SYT17: variants seen among roughly 807,000 people sequenced by gnomAD.
SYT17 encodes the protein synaptotagmin 17.
SYT17 carries 22 observed loss-of-function variants against 46.7 expected under a neutral mutation model. That is an observed-to-expected ratio of 0.47 (90% CI 0.34 to 0.67). The LOEUF (loss-of-function observed/expected upper bound fraction) is 0.67. Ranked by LOEUF, SYT17 falls within the 30% of genes least tolerant of loss-of-function variation. The pLI is 0.01. For synonymous variants in SYT17, 251 were observed against 248.4 expected (o/e 1.01, Z -0.10); for missense variants, 519 against 612.8 (o/e 0.85, Z 1.62).
intron 7 of SYT17, among the ~76,000 whole-genome samples, chr16:19,241,351 G>A (rs1367901776): frequency 6.6e-6 from 1 of 152,152 alleles, no homozygotes; most frequent in East Asian, 1.9e-4. Context: ...GGGGAGGGAA[G>A]GGTGCCTTCC....
chr16:19,204,187 C>G (rs1200226302), intron 5 of SYT17, among the ~76,000 whole-genome samples: 2 of 152,024 alleles, frequency 1.3e-5, no homozygotes, highest in African/African-American at 2.4e-5. Flanking sequence ...ACCCCTGGCC[C>G]CACCCATTAG....
intron 7 of SYT17, among the ~76,000 whole-genome samples, chr16:19,239,278 AAATTAATT>A (rs918681071): frequency 1.3e-5 from 2 of 151,304 alleles, no homozygotes; most frequent in Non-Finnish European, 2.9e-5. Context: ...CCCTGTCTCA[AAATTAATT>A]AATTAATTAA....
intron 7 of SYT17, among the ~76,000 whole-genome samples, chr16:19,235,217 GT>G (rs1719656283): frequency 6.6e-6 from 1 of 151,978 alleles, no homozygotes; most frequent in Non-Finnish European, 1.5e-5. Context: ...ATAAAACTGT[GT>G]ATGTACTACT....
chr16:19,225,093 C>T (rs1966456197), intron 7 of SYT17, among the ~76,000 whole-genome samples: 1 of 152,164 alleles, frequency 6.6e-6, no homozygotes, highest in South Asian at 2.1e-4. Flanking sequence ...TGGCAAGTTA[C>T]TTAACTCCTC....
In SYT17 at chr16:19,228,293, G is replaced by A. The variant is rs879476223; in HGVS notation, c.1228+3455G>A. On this transcript the variant is annotated intron_variant, in intron 7 of 7. Coordinates refer to ENST00000355377, the MANE Select transcript of SYT17 (RefSeq NM_016524.4). ...TCAGCTGGGGCAGTGGTCAGCTGAT[G>A]CTGTCAGGGAAGTCCTGTACTCTCC... Among the ~76,000 whole-genome samples, 62 of 152,280 alleles carry A rather than the reference G, an allele frequency of 4.1e-4. 1 individual carries two copies. Among genetic ancestry groups the A allele is most frequent in the Admixed American group, 3.8e-3 (58 of 15,296 alleles).
intron 5 of SYT17, among the ~76,000 whole-genome samples, chr16:19,194,422 C>G (rs752967126): frequency 6.6e-6 from 1 of 152,148 alleles, no homozygotes; most frequent in African/African-American, 2.4e-5. Context: ...GTTGCTGGCC[C>G]CTGGGTACTT....
chr16:19,205,428 C>G (rs1016407777), intron 5 of SYT17, among the ~76,000 whole-genome samples: 1 of 144,638 alleles, frequency 6.9e-6, no homozygotes. Flanking sequence ...CTCAGAGAGG[C>G]CTTCCTTGAC....
chr16:19,207,613 C>T (rs1282109608), intron 5 of SYT17, among the ~76,000 whole-genome samples: 1 of 152,156 alleles, frequency 6.6e-6, no homozygotes, highest in African/African-American at 2.4e-5. Flanking sequence ...GGGGGAAATC[C>T]ACCTCCATGG....
In SYT17 at chr16:19,267,346, G is replaced by A. The variant is rs886686027; in HGVS notation, c.*270G>A. The A allele has an allele frequency of 9.0e-6, 3 of 332,188 alleles. No individual in the cohort carries two copies. Among genetic ancestry groups the A allele is most frequent in the African/African-American group, 2.1e-5 (1 of 47,532 alleles). 20.6% of individuals were successfully genotyped at this position (332,188 alleles called of 1,614,324 possible). ...TCACAAGCTCAGTGGGCTCTGCCGT[G>A]GGACTTATTGGCAGTGCCTGCTCTT... On this transcript the variant is annotated 3_prime_UTR_variant, in exon 8 of 8. Coordinates refer to ENST00000355377, the MANE Select transcript of SYT17 (RefSeq NM_016524.4).
intron 7 of SYT17, among the ~76,000 whole-genome samples, chr16:19,236,413 A>G (rs1026887232): frequency 8.5e-5 from 13 of 152,310 alleles, no homozygotes; most frequent in African/African-American, 2.2e-4. Flanking sequence ...TGCAATGAGT[A>G]TAGCCAACTG....
chr16:19,260,494 A>G (rs1452426731), intron 7 of SYT17, among the ~76,000 whole-genome samples: 9 of 131,300 alleles, frequency 6.9e-5, no homozygotes, highest in Non-Finnish European at 1.6e-5. Context: ...ACAGAGAGAG[A>G]CCTTGTCTCA....
At chr16:19,251,543 A>G (rs543652089) in intron 7 of SYT17, among the ~76,000 whole-genome samples, 1 of 152,208 alleles carries the variant, frequency 6.6e-6, no homozygotes, top group South Asian at 2.1e-4. Flanking sequence ...CCATCCCACC[A>G]TTTTATAGCG....
At chr16:19,172,629 G>T (rs748281894) in intron 1 of SYT17, 131 bp from the exon 2 acceptor site, 58 of 1,532,132 alleles carry the variant, frequency 3.8e-5, no homozygotes, top group East Asian at 2.3e-5. Flanking sequence ...GTGGAAATAT[G>T]CAGGGCTTTT....
At chr16:19,172,925 C>G in intron 2 of SYT17, 148 bp downstream of exon 2, 1 of 983,788 alleles carries the variant, frequency 1.0e-6, no homozygotes, top group Non-Finnish European at 1.5e-6. Context: ...TCCTTTCTAC[C>G]GAAAGGAGAT....
At chr16:19,224,502 T>C (rs902429256) in intron 6 of SYT17, among the ~76,000 whole-genome samples, 181 bp from the exon 7 acceptor site, 19 of 151,942 alleles carry the variant, frequency 1.3e-4, no homozygotes, top group Admixed American at 2.6e-4. Context: ...GAAAGATGGA[T>C]GGATGGATAA....
At chr16:19,224,384 T>C (rs966488464) in intron 6 of SYT17, among the ~76,000 whole-genome samples, 1 of 152,000 alleles carries the variant, frequency 6.6e-6, no homozygotes, top group African/African-American at 2.4e-5. Context: ...GGATGGATAA[T>C]AGATGGATGG....
chr16:19,245,727 G>A lies in SYT17; in HGVS notation c.1228+20889G>A, dbSNP rs182822558. On this transcript the variant is annotated intron_variant, in intron 7 of 7. Transcript: ENST00000355377. ...CAGAAATACCTTGCTCTGCAAACAA[G>A]CCCCATCCCCCAGGTGACAGGGCCT... is the stretch of plus-strand genomic sequence containing the variant. Among the ~76,000 whole-genome samples, 22 of 152,236 alleles carry A rather than the reference G, an allele frequency of 1.4e-4. No homozygotes were observed. The East Asian group carries it at 3.1e-3, about 21-fold the overall frequency.
chr16:19,202,772 G>T (rs1368311986), intron 5 of SYT17, among the ~76,000 whole-genome samples: 1 of 152,108 alleles, frequency 6.6e-6, no homozygotes, highest in African/African-American at 2.4e-5. Flanking sequence ...TGTCACCTAG[G>T]CTGGAGTGCA....
intron 7 of SYT17, among the ~76,000 whole-genome samples, chr16:19,236,241 C>T (rs1008200778): frequency 6.6e-6 from 1 of 152,274 alleles, no homozygotes; most frequent in Admixed American, 6.5e-5. Context: ...CGCTGAACCT[C>T]GGTTTTTTTC....
Sources: allele counts gnomAD v4.1 joint callset (sites outside exome capture counted in the v4.1 genomes callset), GRCh38; gene constraint gnomAD v4.1.1; transcripts MANE v1.5; gene names NCBI Gene and HGNC (gene_info 2026-07-23, HGNC 2026-07-21).